The following FAM227B variants were observed in gnomAD, a reference collection of about 807,000 sequenced individuals.
FAM227B encodes the protein family with sequence similarity 227 member B, also known as protein FAM227B.
Under a neutral mutation model 73.8 loss-of-function variants are expected in FAM227B, and 88 were observed. The observed-to-expected ratio is 1.19, with a 90% CI of 1.00 to 1.42. FAM227B has a LOEUF of 1.42. Among genes scored for constraint, FAM227B ranks in the 40% most tolerant of loss-of-function variants. FAM227B has a pLI of 0.00. For synonymous variants in FAM227B, 210 were observed against 190.5 expected (o/e 1.10, Z -0.84); for missense variants, 632 against 590.9 (o/e 1.07, Z -0.72).
intron 11 of FAM227B, among the ~76,000 whole-genome samples, chr15:49,463,644 C>G (rs934652034): frequency 6.6e-6 from 1 of 151,918 alleles, no homozygotes; most frequent in African/African-American, 2.4e-5. Context: ...CCTGGAAGTT[C>G]GCTGTGTATA....
rs79791338 is a variant in FAM227B at position 49,347,221 on chromosome 15, T to C, written c.1272-11725A>G. Among the ~76,000 whole-genome samples the C allele has an allele frequency of 1.5e-3, 233 of 152,332 alleles. 9 individuals carry two copies. The East Asian group carries it at 0.043, about 28-fold the overall frequency. ...AATTCAACAAAATTGCCAGGACTTG[T>C]ATTAGGCATGGAGACACAAAAATAA... is the stretch of plus-strand genomic sequence containing the variant. On this transcript the variant is annotated intron_variant, in intron 13 of 15. Coordinates refer to ENST00000299338, the MANE Select transcript of FAM227B (RefSeq NM_152647.3).
At chr15:49,464,190 CCA>C (rs2054062447) in intron 11 of FAM227B, among the ~76,000 whole-genome samples, 2 of 152,162 alleles carry the variant, frequency 1.3e-5, no homozygotes, top group East Asian at 1.9e-4. Context: ...ATCAGAATCT[CCA>C]CAGAGTATGT....
intron 6 of FAM227B, chr15:49,577,342 T>C: frequency 2.8e-6 from 1 of 362,918 alleles, no homozygotes; most frequent in South Asian, 3.6e-5. Context: ...TTTCTGCTTC[T>C]TTGAAATTAA....
chr15:49,366,248 AT>A (rs2045165149), intron 13 of FAM227B: 1 of 786,300 alleles, frequency 1.3e-6, no homozygotes, highest in Non-Finnish European at 2.4e-6. Context: ...CTTCATATCT[AT>A]AAAGTCTTTG....
chr15:49,511,178 TG>T (rs2058969973), intron 10 of FAM227B, among the ~76,000 whole-genome samples: 2 of 152,098 alleles, frequency 1.3e-5, no homozygotes, highest in African/African-American at 4.8e-5. Flanking sequence ...TATAGAGAAT[TG>T]AGATGTCAAA....
chr15:49,422,528 C>T, intron 11 of FAM227B: 1 of 1,309,940 alleles, frequency 7.6e-7, no homozygotes, highest in Non-Finnish European at 9.8e-7. Context: ...GTGCCCTGTT[C>T]CTTATATTAG....
At position 49,614,952 on chromosome 15, in the gene FAM227B, C is replaced by G. The variant is rs184347649; in HGVS notation, c.51+169G>C. 1.8e-4 allele frequency: 119 copies of G among 666,002 alleles called. No individual in the cohort carries two copies. In the African/African-American group the frequency reaches 2.1e-3, roughly 12 times the overall value. The allele number at this position is 666,002 out of a possible 1,614,324, so 41.3% of individuals were successfully genotyped here. On this transcript the variant is annotated intron_variant, in intron 2 of 15. Transcript: ENST00000299338. The stretch of plus-strand genomic sequence containing the variant: ...ACCCTATTAAAGCTTTCTTCCTTGG[C>G]AATACTCATCTCAGTGATTGGCCAT...
intron 9 of FAM227B, among the ~76,000 whole-genome samples, chr15:49,548,106 G>T (rs1446608166): frequency 1.3e-5 from 2 of 152,082 alleles, no homozygotes; most frequent in African/African-American, 4.8e-5. Flanking sequence ...AGATCTTAGA[G>T]GAAAAACTTT....
intron 11 of FAM227B, among the ~76,000 whole-genome samples, chr15:49,448,187 C>A (rs1033279911): frequency 6.6e-6 from 1 of 151,714 alleles, no homozygotes; most frequent in South Asian, 2.1e-4. Context: ...TCATAAATTA[C>A]TAGAACTTTC....
chr15:49,555,556 C>T (rs1407701607), intron 9 of FAM227B, among the ~76,000 whole-genome samples: 5 of 152,156 alleles, frequency 3.3e-5, no homozygotes, highest in Non-Finnish European at 5.9e-5. Flanking sequence ...TAGTATTTTG[C>T]AGTTCTTCAC....
chr15:49,437,146 A>G (rs1260240867), intron 11 of FAM227B, among the ~76,000 whole-genome samples: 1 of 151,592 alleles, frequency 6.6e-6, no homozygotes, highest in Non-Finnish European at 1.5e-5. Context: ...ATGCATAATA[A>G]TAATTATCCA....
At chr15:49,472,724 A>G (rs953471169) in intron 11 of FAM227B, among the ~76,000 whole-genome samples, 4 of 152,186 alleles carry the variant, frequency 2.6e-5, no homozygotes, top group African/African-American at 9.6e-5. Context: ...ACAAGAAGAG[A>G]ATAGAAAGCT....
chr15:49,371,669 CTAAT>C (rs1373378450), intron 11 of FAM227B, among the ~76,000 whole-genome samples: 1 of 144,668 alleles, frequency 6.9e-6, no homozygotes, highest in Non-Finnish European at 1.5e-5. Context: ...ATAAAATTCA[CTAAT>C]AAATAAATGA....
At chr15:49,396,139 T>A (rs377039436) in intron 11 of FAM227B, 82 of 368,874 alleles carry the variant, frequency 2.2e-4, no homozygotes, top group Non-Finnish European at 3.5e-4. Flanking sequence ...GTGGGTGTGC[T>A]CACCGTGTGC....
At chr15:49,389,723 T>C (rs2047091995) in intron 11 of FAM227B, among the ~76,000 whole-genome samples, 2 of 152,078 alleles carry the variant, frequency 1.3e-5, no homozygotes, top group Non-Finnish European at 2.9e-5. Flanking sequence ...TTCATACATA[T>C]AAAAGCTTTG....
chr15:49,531,804 T>C (rs1023034201), intron 10 of FAM227B, among the ~76,000 whole-genome samples: 2 of 152,006 alleles, frequency 1.3e-5, no homozygotes, highest in Admixed American at 6.6e-5. Flanking sequence ...ACATATTTCA[T>C]TGTTCATTTA....
At chr15:49,355,758 C>G (rs1446951057) in intron 13 of FAM227B, among the ~76,000 whole-genome samples, 1 of 151,376 alleles carries the variant, frequency 6.6e-6, no homozygotes. Flanking sequence ...AGATACTCCT[C>G]GAGAAGAGCA....
intron 10 of FAM227B, among the ~76,000 whole-genome samples, chr15:49,518,441 T>C (rs1038908357): frequency 1.3e-5 from 2 of 152,136 alleles, no homozygotes. Context: ...TTCAATTTCA[T>C]ACTGCTATGA....
rs867047748 is a variant in FAM227B at position 49,499,308 on chromosome 15, A to T, written c.1012+8903T>A. Among the ~76,000 whole-genome samples, 10 of 152,262 alleles carry T rather than the reference A, an allele frequency of 6.6e-5. No individual in the cohort carries two copies. In the South Asian group the frequency reaches 8.3e-4, roughly 13 times the overall value. ...AGTTTTTTCCTATATAGCAGCATGA[A>T]TAATCAAAATTGAAAATTTAAAATG... On this transcript the variant is annotated intron_variant, in intron 11 of 15. Coordinates refer to ENST00000299338, the MANE Select transcript of FAM227B (RefSeq NM_152647.3).
Sources: allele counts gnomAD v4.1 joint callset (sites outside exome capture counted in the v4.1 genomes callset), GRCh38; gene constraint gnomAD v4.1.1; transcripts MANE v1.5; gene names NCBI Gene and HGNC (gene_info 2026-07-23, HGNC 2026-07-21).